EYS: variants seen among roughly 807,000 people sequenced by gnomAD.
The protein encoded by EYS is EGF-like photoreceptor maintenance factor.
EYS carries 250 observed loss-of-function variants against 282.1 expected under a neutral mutation model. That is an observed-to-expected ratio of 0.89 (90% CI 0.80 to 0.98). The LOEUF (loss-of-function observed/expected upper bound fraction) is 0.98. EYS is among the 50% of genes least tolerant of loss of function. The pLI is 0.00. For missense variants in EYS, 4,016 were observed against 3,709.0 expected (o/e 1.08, Z -2.15); for synonymous variants, 1,355 against 1,282.9 (o/e 1.06, Z -1.20).
intron 9 of EYS, among the ~76,000 whole-genome samples, chr6:65,352,093 G>T (rs1218000375): frequency 8.6e-5 from 13 of 151,750 alleles, no homozygotes; most frequent in Admixed American, 8.6e-4. Flanking sequence ...ACCACTTTTG[G>T]TCTTCAGTGT....
intron 41 of EYS, among the ~76,000 whole-genome samples, chr6:63,733,702 C>G (rs1575054): frequency 0.55 from 83,449 of 151,988 alleles, 24,451 homozygotes; most frequent in African/African-American, 0.76. Context: ...GCATTTTTTA[C>G]TCAATTCTAT....
intron 13 of EYS, among the ~76,000 whole-genome samples, chr6:65,001,635 CT>C (rs139156817): frequency 0.037 from 5,542 of 147,936 alleles, 449 homozygotes; most frequent in African/African-American, 0.13. Context: ...AGGATGCGGC[CT>C]TTGCCAGGGC....
At chr6:63,933,710 C>T (rs978346636) in intron 35 of EYS, among the ~76,000 whole-genome samples, 1 of 152,130 alleles carries the variant, frequency 6.6e-6, no homozygotes, top group Non-Finnish European at 1.5e-5. Flanking sequence ...CACCAGCCAT[C>T]TCATGAACAT....
intron 19 of EYS, among the ~76,000 whole-genome samples, chr6:64,835,389 GGTGTGTGTCTGCATAT>G (rs1211352809): frequency 6.6e-6 from 1 of 151,494 alleles, no homozygotes; most frequent in African/African-American, 2.4e-5. Context: ...GAAAGTATGT[GGTGTGTGTCTGCATAT>G]GTGTGTGTAG....
chr6:64,380,740 G>A (rs895797979), intron 29 of EYS, among the ~76,000 whole-genome samples: 36 of 152,184 alleles, frequency 2.4e-4, no homozygotes, highest in African/African-American at 6.3e-4. Flanking sequence ...GATTATGGCC[G>A]AGCAGGGTGG....
intron 31 of EYS, among the ~76,000 whole-genome samples, chr6:64,119,878 T>C (rs1238869487): frequency 6.6e-6 from 1 of 152,212 alleles, no homozygotes; most frequent in Non-Finnish European, 1.5e-5. Flanking sequence ...CCCTACTTTT[T>C]GGATCCTTAA....
intron 2 of EYS, among the ~76,000 whole-genome samples, chr6:65,609,186 A>G (rs1467335335): frequency 3.3e-4 from 50 of 151,978 alleles, no homozygotes; most frequent in Non-Finnish European, 1.0e-4. Context: ...TGACTAATGC[A>G]TTGCACTACT....
At chr6:64,185,514 C>G (rs952607950) in intron 31 of EYS, among the ~76,000 whole-genome samples, 1 of 152,108 alleles carries the variant, frequency 6.6e-6, no homozygotes, top group Non-Finnish European at 1.5e-5. Context: ...ATTAATTATA[C>G]TTTATTTTAG....
intron 1 of EYS, among the ~76,000 whole-genome samples, chr6:65,703,018 AG>A (rs1413337401): frequency 6.6e-6 from 1 of 152,170 alleles, no homozygotes; most frequent in African/African-American, 2.4e-5. Context: ...TTTAGAGAAA[AG>A]ACTGAGGTCC....
intron 34 of EYS, among the ~76,000 whole-genome samples, chr6:63,989,702 G>A (rs1377435931): frequency 6.6e-6 from 1 of 151,106 alleles, no homozygotes; most frequent in Non-Finnish European, 1.5e-5. Context: ...TCTCTTAGTT[G>A]TCTTTTAGGC....
At chr6:64,881,809 G>A (rs1483662452) in intron 19 of EYS, among the ~76,000 whole-genome samples, 1 of 151,792 alleles carries the variant, frequency 6.6e-6, no homozygotes, top group South Asian at 2.1e-4. Context: ...AACTCTGTAA[G>A]TTTTATTCCT....
At chr6:65,299,547 T>G (rs969253314) in intron 11 of EYS, among the ~76,000 whole-genome samples, 2 of 152,154 alleles carry the variant, frequency 1.3e-5, no homozygotes, top group East Asian at 1.9e-4. Flanking sequence ...GTTTTGGTTT[T>G]AAATTTATTT....
intron 1 of EYS, among the ~76,000 whole-genome samples, chr6:65,702,954 A>C (rs2149853861): frequency 6.6e-6 from 1 of 152,242 alleles, no homozygotes; most frequent in Non-Finnish European, 1.5e-5. Context: ...GACTTAGAGT[A>C]AAGAAAAGTG....
intron 1 of EYS, among the ~76,000 whole-genome samples, chr6:65,699,562 T>G (rs868191636): frequency 1.3e-5 from 2 of 152,268 alleles, no homozygotes; most frequent in Middle Eastern, 3.4e-3. Context: ...TGAACATGTA[T>G]AGTAGCTGCA....
chr6:65,513,231 C>CT (rs1766969369), intron 2 of EYS, among the ~76,000 whole-genome samples: 1 of 152,154 alleles, frequency 6.6e-6, no homozygotes, highest in African/African-American at 2.4e-5. Context: ...CCTCCCAAGA[C>CT]TAAACCAGGA....
chr6:63,833,001 T>A (rs568152229), intron 36 of EYS, among the ~76,000 whole-genome samples: 1 of 152,080 alleles, frequency 6.6e-6, no homozygotes, highest in Non-Finnish European at 1.5e-5. Context: ...AAAAGGCCTT[T>A]GACAAAATTC....
intron 2 of EYS, among the ~76,000 whole-genome samples, chr6:65,496,969 A>G (rs1373862898): frequency 1.3e-5 from 2 of 152,062 alleles, no homozygotes; most frequent in Non-Finnish European, 2.9e-5. Context: ...TCAGTTCTAC[A>G]TATTATAAAT....
chr6:65,258,884 T>G (rs528851516), intron 12 of EYS, among the ~76,000 whole-genome samples: 2 of 152,128 alleles, frequency 1.3e-5, no homozygotes, highest in African/African-American at 4.8e-5. Flanking sequence ...TTGTGAAATC[T>G]CCCATAAAAG....
intron 1 of EYS, among the ~76,000 whole-genome samples, chr6:65,666,276 C>A (rs530464046): frequency 6.6e-6 from 1 of 151,912 alleles, no homozygotes; most frequent in South Asian, 2.1e-4. Flanking sequence ...TCTATAGACA[C>A]ATTGGCCAAT....
Sources: allele counts gnomAD v4.1 joint callset (sites outside exome capture counted in the v4.1 genomes callset), GRCh38; gene constraint gnomAD v4.1.1; transcripts MANE v1.5; gene names NCBI Gene and HGNC (gene_info 2026-07-23, HGNC 2026-07-21).